IGF1R: variants seen among roughly 807,000 people sequenced by gnomAD.
IGF1R encodes insulin-like growth factor 1 receptor.
IGF1R carries 44 observed loss-of-function variants against 144.6 expected under a neutral mutation model. That is an observed-to-expected ratio of 0.30 (90% CI 0.24 to 0.39). IGF1R has a LOEUF of 0.39. Ranked by LOEUF, IGF1R falls within the 10% of genes least tolerant of loss-of-function variation. The pLI, the probability that IGF1R is intolerant of heterozygous loss-of-function variation, is 1.00. For synonymous variants in IGF1R, 795 were observed against 722.8 expected, an observed-to-expected ratio of 1.10 and a Z score of -1.60; for missense variants, 1,355 against 1,833.7, an observed-to-expected ratio of 0.74 and a Z score of 4.77.
chr15:98,706,850 T>C (rs1469962368), intron 1 of IGF1R, among the ~76,000 whole-genome samples: 2 of 151,334 alleles, frequency 1.3e-5, no homozygotes, highest in African/African-American at 2.4e-5. Context: ...GGTTATTACC[T>C]CTAAACTCTG....
chr15:98,748,522 C>G (rs979674173), intron 2 of IGF1R, among the ~76,000 whole-genome samples: 6 of 152,100 alleles, frequency 3.9e-5, no homozygotes, highest in South Asian at 2.1e-4. Flanking sequence ...TAGGTGCATT[C>G]TTTAGCAATT....
intron 3 of IGF1R, among the ~76,000 whole-genome samples, chr15:98,895,366 C>T (rs566715542): frequency 6.6e-6 from 1 of 151,986 alleles, no homozygotes; most frequent in East Asian, 1.9e-4. Flanking sequence ...GTAACTTTCT[C>T]GTAAATCTTT....
intron 1 of IGF1R, among the ~76,000 whole-genome samples, chr15:98,662,994 C>G (rs968722464): frequency 2.0e-5 from 3 of 151,992 alleles, no homozygotes; most frequent in African/African-American, 7.3e-5. Context: ...TCTGGTCTCT[C>G]GATGGAGTCA....
intron 2 of IGF1R, among the ~76,000 whole-genome samples, chr15:98,762,644 C>G (rs905683453): frequency 5.3e-5 from 8 of 151,858 alleles, no homozygotes; most frequent in African/African-American, 1.9e-4. Context: ...AGGAGAATTG[C>G]TTGAACCCGG....
chr15:98,838,134 A>AT (rs1263653362), intron 2 of IGF1R, among the ~76,000 whole-genome samples: 16 of 152,134 alleles, frequency 1.1e-4, no homozygotes, highest in African/African-American at 4.8e-5. Context: ...AAAAACTTAG[A>AT]TTTTCTAATT....
intron 2 of IGF1R, among the ~76,000 whole-genome samples, chr15:98,756,126 GT>G (rs541001140): frequency 6.6e-6 from 1 of 151,788 alleles, no homozygotes; most frequent in Non-Finnish European, 1.5e-5. Context: ...GGGGTCTTTA[GT>G]TTTTTTCCTT....
At position 98,707,663 on chromosome 15, in the gene IGF1R, A is replaced by G. The variant is rs200131538; in HGVS notation, c.196A>G (p.Lys66Glu). Residue 66 changes from lysine to glutamate, a missense_variant, in exon 2 of 21, where the codon AAG becomes GAG. This residue lies in a region of IGF1R where 75 missense variants were observed against 160.0 expected (regional missense o/e 0.47). Coordinates refer to ENST00000650285, the MANE Select transcript of IGF1R (RefSeq NM_000875.5). This position sits in a 1 kb window ranked among gnomAD's most constrained non-coding sequence, Gnocchi z 6.7. ...EGYLHILLIS[K>E]AEDYRSYRFP... ...CTACCTCCACATCCTGCTCATCTCC[A>G]AGGCCGAGGACTACCGCAGCTACCG... 2.5e-6 allele frequency: 4 copies of G among 1,614,182 alleles called. No homozygotes were observed. The East Asian group carries it at 6.7e-5, about 27-fold the overall frequency.
chr15:98,730,117 T>TA (rs779271180), intron 2 of IGF1R, among the ~76,000 whole-genome samples: 28 of 152,194 alleles, frequency 1.8e-4, no homozygotes, highest in Admixed American at 4.6e-4. Flanking sequence ...AAAGAATGTT[T>TA]AAAAATGAGG....
intron 2 of IGF1R, among the ~76,000 whole-genome samples, chr15:98,850,936 C>T (rs1449808129): frequency 2.0e-5 from 3 of 152,260 alleles, no homozygotes; most frequent in African/African-American, 7.2e-5. Context: ...TAACACCTTG[C>T]CCTGGTATGC....
intron 2 of IGF1R, among the ~76,000 whole-genome samples, chr15:98,855,861 C>G (rs967081714): frequency 1.3e-5 from 2 of 152,182 alleles, no homozygotes; most frequent in African/African-American, 4.8e-5. Context: ...GGTTGAAATT[C>G]TGAATAGCAA....
chr15:98,703,324 T>A (rs550081817), intron 1 of IGF1R, among the ~76,000 whole-genome samples: 1 of 152,172 alleles, frequency 6.6e-6, no homozygotes, highest in Non-Finnish European at 1.5e-5. Flanking sequence ...TGTGCTGTGT[T>A]TACTGTTTAC....
At chr15:98,697,662 A>G (rs2053625563) in intron 1 of IGF1R, among the ~76,000 whole-genome samples, 1 of 123,354 alleles carries the variant, frequency 8.1e-6, no homozygotes. Context: ...GTCCACTTGC[A>G]CTTGTGTTAA....
At chr15:98,714,357 T>C (rs1434570234) in intron 2 of IGF1R, among the ~76,000 whole-genome samples, 1 of 152,042 alleles carries the variant, frequency 6.6e-6, no homozygotes. Flanking sequence ...AATGTGTAAA[T>C]TGAAGGCTGG....
intron 2 of IGF1R, among the ~76,000 whole-genome samples, chr15:98,797,648 T>C (rs1394146704): frequency 2.0e-5 from 3 of 152,194 alleles, no homozygotes; most frequent in African/African-American, 7.2e-5. Context: ...GTTCCTCTTC[T>C]GGATGTGTGC....
intron 8 of IGF1R, among the ~76,000 whole-genome samples, chr15:98,914,538 C>T (rs1401016493): frequency 6.6e-6 from 1 of 152,202 alleles, no homozygotes; most frequent in Non-Finnish European, 1.5e-5. Context: ...AAAATTGGCA[C>T]AGGCTTCTGA....
At chr15:98,699,210 G>A (rs558732858) in intron 1 of IGF1R, among the ~76,000 whole-genome samples, 1 of 152,210 alleles carries the variant, frequency 6.6e-6, no homozygotes, top group Non-Finnish European at 1.5e-5. Context: ...TCTGTCCTTC[G>A]GAGGTTTAGG....
intron 1 of IGF1R, among the ~76,000 whole-genome samples, chr15:98,701,441 A>G (rs993429737): frequency 7.1e-6 from 1 of 141,562 alleles, no homozygotes; most frequent in Admixed American, 7.8e-5. Flanking sequence ...GGTTCATGCC[A>G]TTCTCCTGCC....
intron 17 of IGF1R, among the ~76,000 whole-genome samples, chr15:98,938,151 G>A (rs781306619): frequency 1.3e-5 from 2 of 152,204 alleles, no homozygotes; most frequent in Non-Finnish European, 2.9e-5. Context: ...TATGTGCCAC[G>A]CACCACTGGG....
rs2017111564 is a variant in IGF1R at position 98,958,743 on chromosome 15, A to G, written c.*1301A>G. On this transcript the variant is annotated 3_prime_UTR_variant, in exon 21 of 21. Coordinates refer to ENST00000650285, the MANE Select transcript of IGF1R (RefSeq NM_000875.5). ...TTTTTTTTGTTCTTGATCTTTGTGG[A>G]TTTAATCTATGAAAACCTTCAGGTC... 1.3e-5 allele frequency: 3 copies of G among 230,978 alleles called. No homozygotes were observed. Among genetic ancestry groups the G allele is most frequent in the African/African-American group, 6.7e-5 (3 of 44,834 alleles). 14.3% of individuals were successfully genotyped at this position (230,978 alleles called of 1,614,324 possible). A position where few individuals can be genotyped will look rare whatever the true frequency, so the allele number is the denominator to read the frequency against.
Sources: allele counts gnomAD v4.1 joint callset (sites outside exome capture counted in the v4.1 genomes callset), GRCh38; gene constraint gnomAD v4.1.1; regional missense constraint gnomAD v4.1.1; non-coding constraint Gnocchi (gnomAD v3.1); transcripts MANE v1.5; gene names NCBI Gene and HGNC (gene_info 2026-07-23, HGNC 2026-07-21).